Variants in PSD3 observed in about 807,000 individuals in gnomAD.
PSD3 encodes the protein PH and SEC7 domain-containing protein 3.
Under a neutral mutation model 105.5 loss-of-function variants are expected in PSD3, and 49 were observed. That is an observed-to-expected ratio of 0.46 (90% CI 0.37 to 0.59). The LOEUF (loss-of-function observed/expected upper bound fraction) is 0.59. Ranked by LOEUF, PSD3 falls within the 20% of genes least tolerant of loss-of-function variation. The pLI is 0.00. For synonymous variants in PSD3, 557 were observed against 457.8 expected, an observed-to-expected ratio of 1.22 and a Z score of -2.77; for missense variants, 1,561 against 1,263.8, an observed-to-expected ratio of 1.24 and a Z score of -3.57.
chr8:18,984,949 G>C (rs60425838), intron 1 of PSD3, among the ~76,000 whole-genome samples: 2 of 151,900 alleles, frequency 1.3e-5, no homozygotes, highest in Non-Finnish European at 2.9e-5. Flanking sequence ...TTTTGGCGGT[G>C]GGGGGACAGA....
intron 9 of PSD3, among the ~76,000 whole-genome samples, chr8:18,666,181 G>C (rs1184703865): frequency 6.6e-6 from 1 of 152,144 alleles, no homozygotes; most frequent in Admixed American, 6.5e-5. Context: ...CTCCTGAGTA[G>C]CTGGAATTAT....
intron 9 of PSD3, among the ~76,000 whole-genome samples, chr8:18,729,604 T>C (rs376012772): frequency 1.6e-4 from 25 of 152,346 alleles, no homozygotes; most frequent in African/African-American, 5.3e-4. Context: ...ATGTAAGGTA[T>C]AGATTTTAAC....
chr8:18,877,311 C>G (rs1817787800), intron 2 of PSD3, among the ~76,000 whole-genome samples: 1 of 152,136 alleles, frequency 6.6e-6, no homozygotes, highest in Admixed American at 6.5e-5. Context: ...TTACATTTAG[C>G]TCTCTCATCC....
intron 10 of PSD3, among the ~76,000 whole-genome samples, chr8:18,647,887 C>A (rs1335280958): frequency 6.6e-6 from 1 of 152,166 alleles, no homozygotes; most frequent in Non-Finnish European, 1.5e-5. Flanking sequence ...CCCTCTCTCT[C>A]TTCCTCTTGC....
intron 10 of PSD3, among the ~76,000 whole-genome samples, chr8:18,652,977 G>C (rs1345410102): frequency 1.3e-5 from 2 of 152,146 alleles, no homozygotes; most frequent in Non-Finnish European, 2.9e-5. Flanking sequence ...AATTCAAGAT[G>C]TACATCAGGT....
intron 1 of PSD3, among the ~76,000 whole-genome samples, chr8:18,998,384 C>T (rs773692065): frequency 1.3e-5 from 2 of 151,970 alleles, no homozygotes; most frequent in Non-Finnish European, 1.5e-5. Flanking sequence ...TTCACCAGAG[C>T]TCATTTAAAA....
intron 1 of PSD3, among the ~76,000 whole-genome samples, chr8:19,010,038 C>A (rs76580817): frequency 1.3e-5 from 2 of 152,108 alleles, no homozygotes; most frequent in Non-Finnish European, 1.5e-5. Flanking sequence ...TCCCTAACTC[C>A]AATAATAATC....
At chr8:18,705,621 A>AAT (rs1057070144) in intron 9 of PSD3, among the ~76,000 whole-genome samples, 1 of 152,110 alleles carries the variant, frequency 6.6e-6, no homozygotes, top group African/African-American at 2.4e-5. Flanking sequence ...ATTCTGTTGA[A>AAT]ATACATATTG....
intron 1 of PSD3, among the ~76,000 whole-genome samples, chr8:18,965,024 A>G (rs1824152866): frequency 6.6e-6 from 1 of 152,202 alleles, no homozygotes; most frequent in African/African-American, 2.4e-5. Flanking sequence ...AGGTTCATTC[A>G]TGTTAAAAAG....
intron 2 of PSD3, among the ~76,000 whole-genome samples, chr8:18,925,933 C>G (rs1821333131): frequency 6.6e-6 from 1 of 152,114 alleles, no homozygotes; most frequent in Admixed American, 6.5e-5. Context: ...TTTTCTATAA[C>G]CTCATTTTAG....
intron 1 of PSD3, among the ~76,000 whole-genome samples, chr8:18,959,173 G>A (rs553049648): frequency 1.3e-5 from 2 of 152,200 alleles, no homozygotes; most frequent in African/African-American, 2.4e-5. Flanking sequence ...CGCCCGACTC[G>A]GCCTCCCAAA....
chr8:19,054,676 A>T (rs906880881), intron 1 of PSD3, among the ~76,000 whole-genome samples: 1 of 152,220 alleles, frequency 6.6e-6, no homozygotes, highest in African/African-American at 2.4e-5. Flanking sequence ...CTTCATATTA[A>T]TAATACCTGT....
intron 9 of PSD3, among the ~76,000 whole-genome samples, chr8:18,680,408 G>T (rs1275012778): frequency 6.6e-6 from 1 of 152,172 alleles, no homozygotes; most frequent in African/African-American, 2.4e-5. Context: ...CAAAGGCAGA[G>T]CAACCAGCTG....
chr8:18,965,095 C>G (rs2129471474), intron 1 of PSD3, among the ~76,000 whole-genome samples: 1 of 152,300 alleles, frequency 6.6e-6, no homozygotes. Context: ...CATTATACTT[C>G]ACTGGAATTT....
chr8:18,830,257 A>C (rs376513379), intron 4 of PSD3, among the ~76,000 whole-genome samples: 10 of 152,280 alleles, frequency 6.6e-5, no homozygotes, highest in East Asian at 3.9e-4. Flanking sequence ...TTTTCTACTG[A>C]ATGAAATAGG....
intron 15 of PSD3, among the ~76,000 whole-genome samples, chr8:18,548,896 T>C (rs7003547): frequency 0.035 from 5,349 of 152,310 alleles, 107 homozygotes; most frequent in African/African-American, 0.061. Context: ...GAAGCCTCCA[T>C]GGCCTCTCTT....
intron 2 of PSD3, among the ~76,000 whole-genome samples, chr8:18,874,701 TC>T (rs1817617230): frequency 1.7e-5 from 1 of 58,758 alleles, no homozygotes. Context: ...AGACTCCATC[TC>T]AAAAAAAAAA....
At chr8:18,880,391 G>C (rs1168500307) in intron 2 of PSD3, among the ~76,000 whole-genome samples, 1 of 152,174 alleles carries the variant, frequency 6.6e-6, no homozygotes, top group Non-Finnish European at 1.5e-5. Flanking sequence ...TGAAAAGTCT[G>C]TTTGGCATGT....
intron 8 of PSD3, among the ~76,000 whole-genome samples, chr8:18,784,706 G>A (rs1585978238): frequency 1.3e-5 from 2 of 152,284 alleles, no homozygotes; most frequent in South Asian, 4.1e-4. Flanking sequence ...TAAACAGTGA[G>A]ATAAAGAGAT....
Sources: gnomAD v4.1 joint callset for allele counts (sites outside exome capture counted in the v4.1 genomes callset) on GRCh38, gnomAD v4.1.1 for gene constraint, MANE v1.5 for transcripts, NCBI Gene and HGNC (gene_info 2026-07-23, HGNC 2026-07-21) for gene names.